Variants in UBE3C observed in about 807,000 individuals in gnomAD.
UBE3C encodes ubiquitin protein ligase E3C.
A neutral mutation model predicts 129.4 loss-of-function variants in UBE3C; 42 were observed. That is an observed-to-expected ratio of 0.32 (90% confidence interval 0.25 to 0.42). UBE3C has a LOEUF of 0.42. Ranked by LOEUF, UBE3C falls within the 10% of genes least tolerant of loss-of-function variation. UBE3C has a pLI of 1.00. For synonymous variants in UBE3C, 510 were observed against 492.4 expected (o/e 1.04, Z -0.47); for missense variants, 1,049 against 1,319.1 (o/e 0.80, Z 3.17).
intron 4 of UBE3C, among the ~76,000 whole-genome samples, chr7:157,172,139 C>G (rs779501862): frequency 5.3e-5 from 8 of 151,634 alleles, no homozygotes; most frequent in Non-Finnish European, 1.0e-4. Flanking sequence ...TCAAGCGATT[C>G]TCCTACCTGA....
chr7:157,184,057 G>C (rs754343076), intron 9 of UBE3C, 28 bp downstream of exon 9: 1 of 1,607,892 alleles, frequency 6.2e-7, no homozygotes, highest in South Asian at 1.1e-5. Context: ...CATCTGGGGG[G>C]CTGCGATGCA....
At chr7:157,263,713 G>C in intron 22 of UBE3C, among the ~76,000 whole-genome samples, 1 of 149,614 alleles carries the variant, frequency 6.7e-6, no homozygotes. Flanking sequence ...CACTTTGTGG[G>C]AGCGCTGTTG....
intron 1 of UBE3C, among the ~76,000 whole-genome samples, chr7:157,151,682 A>C (rs1215521922): frequency 6.6e-6 from 1 of 152,188 alleles, no homozygotes; most frequent in Non-Finnish European, 1.5e-5. Context: ...TTTTTGTAAC[A>C]ATGCAAATTC....
At chr7:157,240,323 G>A (rs1796277752) in intron 18 of UBE3C, among the ~76,000 whole-genome samples, 1 of 152,176 alleles carries the variant, frequency 6.6e-6, no homozygotes, top group South Asian at 2.1e-4. Flanking sequence ...CCAAAGTGCT[G>A]GGATTATGGG....
At chr7:157,184,907 C>T (rs1808766054) in intron 9 of UBE3C, among the ~76,000 whole-genome samples, 1 of 152,214 alleles carries the variant, frequency 6.6e-6, no homozygotes, top group Middle Eastern at 3.4e-3. Context: ...TGCCAGGGCT[C>T]ATGGCTGAGG....
intron 16 of UBE3C, among the ~76,000 whole-genome samples, chr7:157,224,645 T>G (rs1795824689): frequency 6.6e-6 from 1 of 152,228 alleles, no homozygotes; most frequent in South Asian, 2.1e-4. Context: ...TAAAGATTAC[T>G]TGGTTCCGTT....
intron 3 of UBE3C, 117 bp from the exon 4 acceptor site, chr7:157,170,187 G>C (rs192717958): frequency 3.5e-6 from 3 of 865,700 alleles, no homozygotes; most frequent in East Asian, 3.0e-5. Flanking sequence ...ACCGATAATG[G>C]TGTTTTCGTT....
intron 10 of UBE3C, chr7:157,188,850 C>G (rs1164996901): frequency 2.2e-6 from 1 of 450,262 alleles, no homozygotes; most frequent in African/African-American, 2.0e-5. Flanking sequence ...TATTCCCAGG[C>G]TGATAACTCA....
At chr7:157,213,420 C>G (rs567850086) in intron 13 of UBE3C, among the ~76,000 whole-genome samples, 2 of 152,358 alleles carry the variant, frequency 1.3e-5, no homozygotes, top group South Asian at 2.1e-4. Flanking sequence ...GTGGGCTTGT[C>G]TTAGTGCTCC....
chr7:157,163,595 A>G (rs921650948), intron 1 of UBE3C, among the ~76,000 whole-genome samples: 1 of 152,192 alleles, frequency 6.6e-6, no homozygotes, highest in African/African-American at 2.4e-5. Context: ...TATGCTTAAA[A>G]AACTACTGAA....
intron 9 of UBE3C, among the ~76,000 whole-genome samples, chr7:157,184,672 C>A (rs1039405516): frequency 5.3e-5 from 8 of 152,098 alleles, no homozygotes; most frequent in African/African-American, 1.9e-4. Context: ...TAAGTGTAAT[C>A]ACAGAATATA....
intron 18 of UBE3C, among the ~76,000 whole-genome samples, chr7:157,237,212 T>C (rs1041500458): frequency 2.6e-4 from 40 of 151,872 alleles, no homozygotes; most frequent in Non-Finnish European, 5.4e-4. Flanking sequence ...GAGGCCGAGG[T>C]GGGCAGATCA....
At chr7:157,175,612 C>T (rs1586663916) in intron 5 of UBE3C, among the ~76,000 whole-genome samples, 1 of 152,218 alleles carries the variant, frequency 6.6e-6, no homozygotes, top group East Asian at 1.9e-4. Flanking sequence ...TGATCCTGAG[C>T]CTTCCATATA....
At chr7:157,171,460 A>G (rs971936622) in intron 4 of UBE3C, among the ~76,000 whole-genome samples, 30 of 151,696 alleles carry the variant, frequency 2.0e-4, no homozygotes, top group Non-Finnish European at 4.0e-4. Context: ...AAAATCCCAA[A>G]TGTAATCGTA....
rs146166594 is a variant in UBE3C, at chr7:157,166,405, G to C, written c.120+2542G>C. Among the ~76,000 whole-genome samples, 4 of 151,996 alleles carry C rather than the reference G, an allele frequency of 2.6e-5. No homozygotes were observed. In the South Asian group the frequency reaches 8.3e-4, roughly 32 times the overall value. On this transcript the variant is annotated intron_variant, in intron 2 of 22. Transcript: ENST00000348165. ...CCTGAATTATTTTTCTGACTTCTTTGTATTTTTCAGAATTCCCTTGTATCT... is the reference window on the plus strand; with the variant it reads ...CCTGAATTATTTTTCTGACTTCTTTCTATTTTTCAGAATTCCCTTGTATCT...
chr7:157,178,974 T>C lies in UBE3C; in HGVS notation c.616+127T>C, dbSNP rs908436198. On this transcript the variant is annotated intron_variant, in intron 6 of 22. Transcript: ENST00000348165. ...GAGCGGTACTGGTGTCCCAGACGCC[T>C]TGTGCTCCATCCACAGGTGCCCACC... 4.7e-5 allele frequency: 55 copies of C among 1,176,206 alleles called. No individual in the cohort carries two copies. The African/African-American group carries it at 8.2e-4, about 18-fold the overall frequency. The allele number at this position is 1,176,206 out of a possible 1,614,324, so 72.9% of individuals were successfully genotyped here.
intron 5 of UBE3C, among the ~76,000 whole-genome samples, chr7:157,175,468 C>T (rs777675625): frequency 5.3e-5 from 8 of 152,160 alleles, no homozygotes; most frequent in Non-Finnish European, 1.0e-4. Flanking sequence ...GCAGCATAAG[C>T]CACTGCCGTG....
chr7:157,182,756 G>A (rs1808701814), intron 8 of UBE3C, among the ~76,000 whole-genome samples: 1 of 151,878 alleles, frequency 6.6e-6, no homozygotes, highest in Admixed American at 6.6e-5. Flanking sequence ...TTGGGGGTTG[G>A]GTGCGGGGGG....
chr7:157,197,963 C>A (rs1370409391), intron 10 of UBE3C: 3 of 1,609,192 alleles, frequency 1.9e-6, no homozygotes, highest in Non-Finnish European at 2.6e-6. Flanking sequence ...AAGCCTTGAA[C>A]CTCAATCTAG....
Sources: allele counts gnomAD v4.1 joint callset (sites outside exome capture counted in the v4.1 genomes callset), GRCh38; gene constraint gnomAD v4.1.1; transcripts MANE v1.5; gene names NCBI Gene and HGNC (gene_info 2026-07-23, HGNC 2026-07-21).